Variants in LHFPL1 observed in about 807,000 individuals in gnomAD.
The protein encoded by LHFPL1 is LHFPL tetraspan subfamily member 1, also known as LHFPL tetraspan subfamily member 1 protein.
In LHFPL1, 4 loss-of-function variants were observed where a neutral mutation model predicts 12.1. The ratio of observed to expected loss-of-function variants is 0.33; its 90% CI spans 0.16 to 0.76. The LOEUF (loss-of-function observed/expected upper bound fraction) is 0.76. Ranked by LOEUF, LHFPL1 falls within the 30% of genes least tolerant of loss-of-function variation. The probability of loss-of-function intolerance (pLI) is 0.61; values close to 1 mark genes in which losing one functional copy is unlikely to be tolerated. For synonymous variants in LHFPL1, 52 were observed against 61.9 expected (o/e 0.84, Z 0.75); for missense variants, 141 against 174.1 (o/e 0.81, Z 1.07).
intron 2 of LHFPL1, among the ~76,000 whole-genome samples, chrX:112,666,461 G>T (rs1293989351): frequency 2.7e-5 from 3 of 111,449 alleles, no homozygotes; most frequent in Non-Finnish European, 5.6e-5. Context: ...TACAGGGAGG[G>T]ATAGAAGAAA....
At chrX:112,660,870 A>G (rs1380384339) in intron 2 of LHFPL1, 145 bp from the exon 3 acceptor site, 2 of 439,270 alleles carry the variant, frequency 4.6e-6, no homozygotes, top group Non-Finnish European at 7.7e-6. Context: ...TGAGAGTACC[A>G]ACTCAACAGG....
intron 3 of LHFPL1, among the ~76,000 whole-genome samples, chrX:112,646,619 T>G (rs1930696499): frequency 9.0e-6 from 1 of 110,867 alleles, no homozygotes; most frequent in Non-Finnish European, 1.9e-5. Flanking sequence ...CTAGAGGCAT[T>G]TAAGAATTTC....
intron 3 of LHFPL1, among the ~76,000 whole-genome samples, chrX:112,635,617 G>T (rs1303931734): frequency 1.8e-5 from 2 of 112,329 alleles, no homozygotes; most frequent in African/African-American, 6.5e-5. Context: ...GTATGAATAT[G>T]ATAAGTGCTT....
intron 2 of LHFPL1, among the ~76,000 whole-genome samples, chrX:112,669,216 C>G (rs1277980446): frequency 8.9e-6 from 1 of 112,436 alleles, no homozygotes; most frequent in African/African-American, 3.2e-5. Context: ...CAAGGATGAC[C>G]CCTCTGCCCT....
At position 112,657,387 on chromosome X, in the gene LHFPL1, A is replaced by G. The variant is rs142873953; in HGVS notation, c.481+3240T>C. Among the ~76,000 whole-genome samples, 1,049 of 112,276 alleles carry G rather than the reference A, an allele frequency of 9.3e-3. 10 individuals are homozygous for G. Among genetic ancestry groups the G allele is most frequent in the Non-Finnish European group, 0.014 (757 of 53,230 alleles). ...CTCCCCAAACTAATCTACAGATTCA[A>G]TACAATTCCTATCAAAATATCAGCT... is the stretch of plus-strand genomic sequence containing the variant. On this transcript the variant is annotated intron_variant, in intron 3 of 3. Coordinates refer to ENST00000371968, the MANE Select transcript of LHFPL1 (RefSeq NM_178175.4).
intron 3 of LHFPL1, among the ~76,000 whole-genome samples, chrX:112,636,440 T>C (rs1306646228): frequency 8.9e-6 from 1 of 112,474 alleles, no homozygotes; most frequent in Non-Finnish European, 1.9e-5. Flanking sequence ...CAGATATTTA[T>C]ACTTTAAATT....
intron 2 of LHFPL1, among the ~76,000 whole-genome samples, chrX:112,670,446 T>C (rs1931464690): frequency 8.9e-6 from 1 of 112,490 alleles, no homozygotes. Flanking sequence ...ACAAGAAATC[T>C]GGGTAGACTG....
intron 2 of LHFPL1, among the ~76,000 whole-genome samples, chrX:112,665,395 T>G (rs1931304657): frequency 9.0e-6 from 1 of 111,401 alleles, no homozygotes; most frequent in South Asian, 3.8e-4. Flanking sequence ...TTCACCATGT[T>G]GCCCAGGCTG....
At chrX:112,644,015 T>C (rs964004368) in intron 3 of LHFPL1, among the ~76,000 whole-genome samples, 8 of 112,296 alleles carry the variant, frequency 7.1e-5, no homozygotes, top group Non-Finnish European at 1.5e-4. Context: ...CCCCACTGCC[T>C]GCTCCAGCTC....
intron 3 of LHFPL1, among the ~76,000 whole-genome samples, chrX:112,648,273 T>C (rs1346086004): frequency 1.8e-5 from 2 of 111,288 alleles, no homozygotes; most frequent in East Asian, 2.8e-4. Context: ...TGTATACCTA[T>C]GTAACAAACC....
chrX:112,661,739 G>A (rs1017687179), intron 2 of LHFPL1: 18 of 112,119 alleles, frequency 1.6e-4, no homozygotes, highest in Admixed American at 2.8e-4. Context: ...CTCTTTCCCC[G>A]TTCTCACTAC....
At chrX:112,665,444 G>C (rs772058821) in intron 2 of LHFPL1, among the ~76,000 whole-genome samples, 1 of 111,865 alleles carries the variant, frequency 8.9e-6, no homozygotes, top group Non-Finnish European at 1.9e-5. Context: ...ACCTGCCTCG[G>C]CCTCCCAAAG....
intron 3 of LHFPL1, among the ~76,000 whole-genome samples, chrX:112,635,012 A>G: frequency 8.9e-6 from 1 of 112,524 alleles, no homozygotes; most frequent in Middle Eastern, 4.6e-3. Context: ...TACCATTTGG[A>G]AAGCCACTGT....
At chrX:112,665,337 C>T (rs1029377652) in intron 2 of LHFPL1, among the ~76,000 whole-genome samples, 2 of 110,925 alleles carry the variant, frequency 1.8e-5, no homozygotes, top group African/African-American at 6.6e-5. Flanking sequence ...ATTATAAGTG[C>T]GTGCCATCAC....
At position 112,660,344 on chromosome X, in the gene LHFPL1, T is replaced by C. The variant is rs1931142615; in HGVS notation, c.481+283A>G. Among the ~76,000 whole-genome samples the C allele has an allele frequency of 2.7e-5, 3 of 112,532 alleles. No individual in the cohort carries two copies. In the South Asian group the frequency reaches 1.1e-3, roughly 41 times the overall value. On this transcript the variant is annotated intron_variant, in intron 3 of 3. Transcript: ENST00000371968. ...TAGGAACTAGGATTTATTCAGAAGA[T>C]GGCAGATTGTTAGTCTCCAAGCATT...
rs1359064104 is a variant in LHFPL1 at position 112,639,636 on chromosome X, C to T, written c.482-8035G>A. ...AGTCCTTCGATTAAAATCTTCCTCG[C>T]CACTATTGAGCATTAGCTTCCGACC... On this transcript the variant is annotated intron_variant, in intron 3 of 3. Transcript: ENST00000371968. 2.7e-5 allele frequency among the ~76,000 whole-genome samples: 3 copies of T among 112,210 alleles called. No homozygotes were observed. In the Admixed American group the frequency reaches 2.8e-4, roughly 11 times the overall value.
chrX:112,675,018 G>A (rs1931616902), intron 1 of LHFPL1, among the ~76,000 whole-genome samples: 1 of 111,886 alleles, frequency 8.9e-6, no homozygotes, highest in African/African-American at 3.3e-5. Context: ...TGTAACTCAG[G>A]AATGGAAAAC....
At chrX:112,663,357 G>A (rs1488357558) in intron 2 of LHFPL1, among the ~76,000 whole-genome samples, 1 of 111,642 alleles carries the variant, frequency 9.0e-6, no homozygotes, top group African/African-American at 3.3e-5. Flanking sequence ...CTTGGCACAT[G>A]GTAGATAATA....
intron 3 of LHFPL1, among the ~76,000 whole-genome samples, chrX:112,656,278 T>G (rs987315745): frequency 6.3e-5 from 7 of 111,474 alleles, no homozygotes; most frequent in African/African-American, 2.3e-4. Context: ...ATTATCTCAG[T>G]AAATGAAGAA....
Sources: allele counts gnomAD v4.1 joint callset (sites outside exome capture counted in the v4.1 genomes callset), GRCh38; gene constraint gnomAD v4.1.1; transcripts MANE v1.5; gene names NCBI Gene and HGNC (gene_info 2026-07-23, HGNC 2026-07-21).